The following PRKCZ variants were observed in gnomAD, a reference collection of about 807,000 sequenced individuals.
PRKCZ encodes protein kinase C zeta, also known as protein kinase C zeta type.
PRKCZ carries 33 observed loss-of-function variants against 79.5 expected under a neutral mutation model. The ratio of observed to expected loss-of-function variants is 0.41; its 90% CI spans 0.31 to 0.55. The LOEUF (loss-of-function observed/expected upper bound fraction) is 0.55. PRKCZ is among the 20% of genes least tolerant of loss of function. The pLI, the probability that PRKCZ is intolerant of heterozygous loss-of-function variation, is 0.19. For missense variants in PRKCZ, 578 were observed against 813.5 expected, an observed-to-expected ratio of 0.71 and a Z score of 3.52; for synonymous variants, 342 against 320.9, an observed-to-expected ratio of 1.07 and a Z score of -0.70.
At chr1:2,136,068 C>T (rs1009734005) in intron 5 of PRKCZ, among the ~76,000 whole-genome samples, 2 of 152,128 alleles carry the variant, frequency 1.3e-5, no homozygotes, top group South Asian at 2.1e-4. Flanking sequence ...CTCACAGGAG[C>T]GGTGGCCCTG....
intron 4 of PRKCZ, among the ~76,000 whole-genome samples, chr1:2,104,073 A>AGG (rs1553147262): frequency 6.6e-6 from 1 of 151,698 alleles, no homozygotes; most frequent in Non-Finnish European, 1.5e-5. Context: ...AGAGCAGGGG[A>AGG]GGGGGGTCTT....
At chr1:2,129,348 G>A (rs559405616) in intron 4 of PRKCZ, among the ~76,000 whole-genome samples, 26 of 152,246 alleles carry the variant, frequency 1.7e-4, no homozygotes, top group African/African-American at 4.8e-4. Flanking sequence ...ACGGAGGGGC[G>A]TCCTGCAGAC....
chr1:2,112,239 A>G (rs1669882137), intron 4 of PRKCZ, among the ~76,000 whole-genome samples: 1 of 152,130 alleles, frequency 6.6e-6, no homozygotes, highest in African/African-American at 2.4e-5. Flanking sequence ...CTCATAAAAC[A>G]CAGTGTTTGA....
chr1:2,057,048 A>G (rs1412139281), intron 3 of PRKCZ, among the ~76,000 whole-genome samples: 9 of 151,920 alleles, frequency 5.9e-5, no homozygotes, highest in Admixed American at 5.9e-4. Flanking sequence ...CATTTTATTA[A>G]CCCAAATGAA....
intron 4 of PRKCZ, chr1:2,133,774 G>T (rs1245368192): frequency 6.6e-6 from 1 of 152,556 alleles, no homozygotes; most frequent in Non-Finnish European, 1.5e-5. Context: ...TCTCTTCAGA[G>T]AGGGTTGTTG....
chr1:2,135,360 C>T lies in PRKCZ; in HGVS notation c.420+13C>T. 1 of 1,598,520 alleles carries T rather than the reference C, an allele frequency of 6.3e-7. No individual in the cohort carries two copies. On this transcript the variant is annotated intron_variant, in intron 5 of 17. Transcript: ENST00000378567. Reference sequence around the variant, plus strand: ...GCGCTTTAACAGGGTGAGTGGCCCCCTTGGGACTAGTCCCTCAAGGGGCCT... The same window carrying T: ...GCGCTTTAACAGGGTGAGTGGCCCCTTTGGGACTAGTCCCTCAAGGGGCCT...
At chr1:2,091,297 A>G (rs1194772023) in intron 4 of PRKCZ, among the ~76,000 whole-genome samples, 1 of 152,186 alleles carries the variant, frequency 6.6e-6, no homozygotes, top group Non-Finnish European at 1.5e-5. Flanking sequence ...TTGGCCTCCC[A>G]AAGTGCTGGG....
At chr1:2,089,456 C>G (rs1665104700) in intron 4 of PRKCZ, among the ~76,000 whole-genome samples, 1 of 152,102 alleles carries the variant, frequency 6.6e-6, no homozygotes, top group African/African-American at 2.4e-5. Context: ...AAACAAGGAC[C>G]CTGATTGCTC....
rs756300596 is a variant in PRKCZ, at chr1:2,174,670, C to T, written c.1406-84C>T. 23 of 1,423,030 alleles carry T rather than the reference C, an allele frequency of 1.6e-5. No homozygotes were observed. The highest frequency in any genetic ancestry group is 2.1e-5 in the Non-Finnish European group (21 of 1,020,222). The allele number at this position is 1,423,030 out of a possible 1,614,324, so 88.2% of individuals were successfully genotyped here. A position where few individuals can be genotyped will look rare whatever the true frequency, so the allele number is the denominator to read the frequency against. ...GGGCCCCAAGGCTGAGCTCCCAAAG[C>T]TCTTGCTCAGAGTCAGAGTCTGGGC... On this transcript the variant is annotated intron_variant, in intron 14 of 17. Coordinates refer to ENST00000378567, the MANE Select transcript of PRKCZ (RefSeq NM_002744.6). The surrounding 1 kb of genome is among the most constrained non-coding windows in gnomAD (Gnocchi z 6.2).
rs142300802 is a variant in PRKCZ at position 2,058,780 on chromosome 1, C to A, written c.284-761C>A. ...GCGTGGTGGTGTACACTTGTAATCC[C>A]AGCTACTTGGGAGGCTGAGGCAGGA... On this transcript the variant is annotated intron_variant, in intron 3 of 17. Coordinates refer to ENST00000378567, the MANE Select transcript of PRKCZ (RefSeq NM_002744.6). 3.0e-3 allele frequency among the ~76,000 whole-genome samples: 459 copies of A among 152,034 alleles called. 3 individuals carry two copies. The highest frequency in any genetic ancestry group is 0.011 in the African/African-American group (447 of 41,460).
chr1:2,150,807 C>G lies in PRKCZ; in HGVS notation c.705C>G (p.Ile235Met). The G allele has an allele frequency of 6.2e-7, 1 of 1,613,962 alleles. No homozygotes were observed. The highest frequency in any genetic ancestry group is 8.5e-7 in the Non-Finnish European group (1 of 1,179,936). ...CTCCCTAGGACCTTAAGCCAGTTAT[C>G]GATGGGATGGATGGAATCAAAATCT... Reference protein sequence around the residue: ...KDDSEDLKPVIDGMDGIKISQ... With the variant: ...KDDSEDLKPVMDGMDGIKISQ... The change falls in exon 9 of 18, where the codon ATC becomes ATG. Residue 235 changes from isoleucine (I) to methionine (M), a missense_variant. Coordinates refer to ENST00000378567, the MANE Select transcript of PRKCZ (RefSeq NM_002744.6).
Position 2,135,253 on chromosome 1 carries a change from C to G in PRKCZ, c.335-9C>G, listed in dbSNP as rs375267376. Reference sequence around the variant, plus strand: ...CTGTTTCTTTACACCTTTCTCATATCCTTTCCAGAATCTATCTACCGCCGG... The same window carrying G: ...CTGTTTCTTTACACCTTTCTCATATGCTTTCCAGAATCTATCTACCGCCGG... On this transcript the variant is annotated splice_polypyrimidine_tract_variant and intron_variant, in intron 4 of 17. Coordinates refer to ENST00000378567, the MANE Select transcript of PRKCZ (RefSeq NM_002744.6). The G allele has an allele frequency of 1.2e-6, 2 of 1,609,456 alleles. No individual in the cohort carries two copies. Among genetic ancestry groups the G allele is most frequent in the South Asian group, 1.1e-5 (1 of 90,930 alleles).
intron 4 of PRKCZ, chr1:2,073,892 T>G: frequency 1.6e-6 from 2 of 1,229,590 alleles, no homozygotes; most frequent in Admixed American, 3.8e-5. Context: ...GCACAGAGCA[T>G]AAAGAATCTG....
intron 16 of PRKCZ, 146 bp downstream of exon 16, chr1:2,175,459 A>G (rs1239778323): frequency 8.8e-6 from 5 of 566,562 alleles, no homozygotes; most frequent in Admixed American, 6.5e-5. Flanking sequence ...CCCCAAATTC[A>G]TCCAACCCTC....
chr1:2,178,681 C>T lies in PRKCZ; in HGVS notation c.1575+3368C>T, dbSNP rs1297975657. 6.6e-6 allele frequency among the ~76,000 whole-genome samples: 1 copy of T among 152,180 alleles called. No homozygotes were observed. The highest frequency in any genetic ancestry group is 1.5e-5 in the Non-Finnish European group (1 of 68,020). On this transcript the variant is annotated intron_variant, in intron 16 of 17. Coordinates refer to ENST00000378567, the MANE Select transcript of PRKCZ (RefSeq NM_002744.6). This position sits in a 1 kb window ranked among gnomAD's most constrained non-coding sequence, Gnocchi z 4.3. ...TGCTTTCTGGTCCCTTTGGGGGCCCCCTCAGTCTGTGCTGGACTTAGTTCC... is the reference window on the plus strand; with the variant it reads ...TGCTTTCTGGTCCCTTTGGGGGCCCTCTCAGTCTGTGCTGGACTTAGTTCC...
intron 4 of PRKCZ, among the ~76,000 whole-genome samples, chr1:2,122,103 A>G (rs374796233): frequency 2.4e-4 from 9 of 37,338 alleles, no homozygotes; most frequent in Middle Eastern, 0.011. Flanking sequence ...GGTTAGGGTC[A>G]TGGTGGTGGT....
chr1:2,086,149 C>T (rs905961195), intron 4 of PRKCZ, among the ~76,000 whole-genome samples: 8 of 151,704 alleles, frequency 5.3e-5, no homozygotes, highest in Non-Finnish European at 8.8e-5. Flanking sequence ...GCAACCTCTG[C>T]CTCCCAGGTT....
At chr1:2,064,087 T>C (rs911354530) in intron 4 of PRKCZ, among the ~76,000 whole-genome samples, 1 of 152,188 alleles carries the variant, frequency 6.6e-6, no homozygotes, top group African/African-American at 2.4e-5. Context: ...CCTCAAGTGA[T>C]CCACCCACCT....
chr1:2,114,757 A>T (rs1020076699), intron 4 of PRKCZ, among the ~76,000 whole-genome samples: 2 of 152,152 alleles, frequency 1.3e-5, no homozygotes, highest in Non-Finnish European at 2.9e-5. Context: ...CTGGTGACAG[A>T]GCGAGACTCC....
Sources: allele counts gnomAD v4.1 joint callset (sites outside exome capture counted in the v4.1 genomes callset), GRCh38; gene constraint gnomAD v4.1.1; non-coding constraint Gnocchi (gnomAD v3.1); transcripts MANE v1.5; gene names NCBI Gene and HGNC (gene_info 2026-07-23, HGNC 2026-07-21).